Variants in DYNLL1 observed in about 807,000 individuals in gnomAD.
The protein encoded by DYNLL1 is dynein light chain LC8-type 1.
A neutral mutation model predicts 10.1 loss-of-function variants in DYNLL1; 3 were observed. That is an observed-to-expected ratio of 0.30 (90% CI 0.14 to 0.77). The LOEUF is 0.77. Among genes scored for constraint, DYNLL1 ranks in the 30% least tolerant of loss-of-function variants. The pLI is 0.66. For synonymous variants in DYNLL1, 46 were observed against 41.2 expected (o/e 1.12, Z -0.45); for missense variants, 47 against 111.7 (o/e 0.42, Z 2.61).
intron 1 of DYNLL1, among the ~76,000 whole-genome samples, chr12:120,479,612 G>A (rs1878840870): frequency 6.6e-6 from 1 of 152,042 alleles, no homozygotes; most frequent in South Asian, 2.1e-4. Context: ...TGGAGGGAGT[G>A]GCTCTTCTAA....
At chr12:120,481,330 C>G (rs1878875506) in intron 1 of DYNLL1, among the ~76,000 whole-genome samples, 2 of 152,126 alleles carry the variant, frequency 1.3e-5, no homozygotes. Flanking sequence ...TAGCACAGAC[C>G]CTGAACAAAA....
At chr12:120,490,258 AAG>A (rs1879094938) in intron 1 of DYNLL1, 2 of 152,226 alleles carry the variant, frequency 1.3e-5, no homozygotes, top group South Asian at 2.1e-4. Flanking sequence ...TGAACTCTGA[AAG>A]AGTTTTGGAG....
chr12:120,480,909 G>A (rs539376744), intron 1 of DYNLL1, among the ~76,000 whole-genome samples: 2 of 151,824 alleles, frequency 1.3e-5, no homozygotes, highest in African/African-American at 4.8e-5. Flanking sequence ...ACAGGCGCCC[G>A]CCACCATGCC....
chr12:120,493,527 A>G (rs1402974185), upstream of DYNLL1, among the ~76,000 whole-genome samples: 1 of 151,920 alleles, frequency 6.6e-6, no homozygotes, highest in Non-Finnish European at 1.5e-5. Context: ...ATAAAATAAA[A>G]TAAAAAGTAT....
At chr12:120,487,554 A>G (rs1879025881) in intron 1 of DYNLL1, among the ~76,000 whole-genome samples, 1 of 152,006 alleles carries the variant, frequency 6.6e-6, no homozygotes, top group Non-Finnish European at 1.5e-5. Context: ...TATTGAGTGC[A>G]CTCAGGCCCA....
chr12:120,489,589 C>T (rs1483227990), intron 1 of DYNLL1, among the ~76,000 whole-genome samples: 1 of 152,210 alleles, frequency 6.6e-6, no homozygotes, highest in African/African-American at 2.4e-5. Context: ...TAACTGCTCC[C>T]ACCTCTCTCG....
intron 1 of DYNLL1, chr12:120,491,074 C>G (rs1016589497): frequency 6.6e-6 from 1 of 152,356 alleles, no homozygotes; most frequent in Non-Finnish European, 1.5e-5. Flanking sequence ...CAGATGCACA[C>G]CCAAGGCTGC....
intron 2 of DYNLL1, 56 bp downstream of exon 2, chr12:120,496,609 C>G: frequency 1.9e-6 from 3 of 1,613,570 alleles, no homozygotes; most frequent in East Asian, 4.5e-5. Context: ...TCCTTCCCCC[C>G]GATCCTGCTT....
rs1868515907 is a variant in DYNLL1 at position 120,498,045 on chromosome 12, C to T, written c.133-28C>T. 8 of 1,608,352 alleles carry T rather than the reference C, an allele frequency of 5.0e-6. No homozygotes were observed. In the East Asian group the frequency reaches 1.8e-4, roughly 36 times the overall value. ...AACACTGACCTCTGGTAATTAAAAT[C>T]CTAGTTCTTTTCTTTTGTCTTTTCC... On this transcript the variant is annotated intron_variant, in intron 2 of 2. Coordinates refer to ENST00000242577, the MANE Select transcript of DYNLL1 (RefSeq NM_003746.3).
At position 120,496,277 on chromosome 12, in the gene DYNLL1, T is replaced by C. The variant is rs559192703; in HGVS notation, c.-7+61T>C. On this transcript the variant is annotated intron_variant, in intron 1 of 2. Transcript: ENST00000242577. Reference sequence around the variant, plus strand: ...GCCTTATTTCGCCCCACTCCGGACTTAGCCCTCCGCGTAGCCCGCGCTTCC... The same window carrying C: ...GCCTTATTTCGCCCCACTCCGGACTCAGCCCTCCGCGTAGCCCGCGCTTCC... 9 of 1,304,696 alleles carry C rather than the reference T, an allele frequency of 6.9e-6. No homozygotes were observed. The African/African-American group carries it at 1.2e-4, about 17-fold the overall frequency. 80.8% of individuals were successfully genotyped at this position (1,304,696 alleles called of 1,614,324 possible). A position where few individuals can be genotyped will look rare whatever the true frequency, so the allele number is the denominator to read the frequency against.
At chr12:120,491,359 C>CTTCCGGATT (rs1879123405), upstream of DYNLL1, 1 of 146,700 alleles carries the variant, frequency 6.8e-6, no homozygotes, top group Non-Finnish European at 1.5e-5. Flanking sequence ...CAGGCTGGTG[C>CTTCCGGATT]CAGCCCTTCT....
intron 1 of DYNLL1, chr12:120,488,638 G>A (rs1020848526): frequency 2.0e-5 from 3 of 152,298 alleles, no homozygotes; most frequent in Non-Finnish European, 4.4e-5. Context: ...GATGCAGGGT[G>A]CGGTGGTTCA....
chr12:120,469,918 G>A (rs1283606309), exon 1 of DYNLL1: 2 of 206,258 alleles, frequency 9.7e-6, no homozygotes, highest in Non-Finnish European at 1.9e-5. Flanking sequence ...GCTCGGCTGA[G>A]GCGCTGGACA....
chr12:120,482,293 T>C (rs537386147), intron 1 of DYNLL1, among the ~76,000 whole-genome samples: 3 of 151,708 alleles, frequency 2.0e-5, no homozygotes, highest in African/African-American at 4.8e-5. Flanking sequence ...CCGGGCAACA[T>C]AGAAAGGCAA....
intron 1 of DYNLL1, among the ~76,000 whole-genome samples, chr12:120,472,328 A>G (rs1015423405): frequency 6.6e-6 from 1 of 152,250 alleles, no homozygotes; most frequent in African/African-American, 2.4e-5. Context: ...AACATAATAA[A>G]TGATTCCTAA....
chr12:120,474,733 C>T (rs747288628), intron 1 of DYNLL1, among the ~76,000 whole-genome samples: 2 of 152,158 alleles, frequency 1.3e-5, no homozygotes, highest in Non-Finnish European at 2.9e-5. Flanking sequence ...ATGAGCTCCT[C>T]CCAGACCTTG....
chr12:120,497,006 T>G, intron 2 of DYNLL1: 1 of 264,356 alleles, frequency 3.8e-6, no homozygotes, highest in Non-Finnish European at 7.2e-6. Context: ...TAAATGGCAG[T>G]CTAGAAAGCC....
intron 1 of DYNLL1, among the ~76,000 whole-genome samples, chr12:120,480,153 G>C (rs1413256610): frequency 6.6e-6 from 1 of 152,142 alleles, no homozygotes; most frequent in Non-Finnish European, 1.5e-5. Flanking sequence ...GGCTCAGGGG[G>C]AGCGGAATTC....
intron 1 of DYNLL1, among the ~76,000 whole-genome samples, chr12:120,481,371 C>A (rs1783141816): frequency 1.3e-5 from 2 of 152,212 alleles, no homozygotes; most frequent in Non-Finnish European, 2.9e-5. Context: ...AGACCGCCCC[C>A]ACTTTAGATG....
Sources: gnomAD v4.1 joint callset for allele counts (sites outside exome capture counted in the v4.1 genomes callset) on GRCh38, gnomAD v4.1.1 for gene constraint, MANE v1.5 for transcripts, NCBI Gene and HGNC (gene_info 2026-07-23, HGNC 2026-07-21) for gene names.